The following DTWD2 variants were observed in gnomAD, a reference collection of about 807,000 sequenced individuals.
DTWD2 encodes the protein tRNA-uridine aminocarboxypropyltransferase 2.
A neutral mutation model predicts 31.8 loss-of-function variants in DTWD2; 39 were observed. That is an observed-to-expected ratio of 1.22 (90% CI 0.95 to 1.60). DTWD2 has a LOEUF of 1.60. Ranked by LOEUF, DTWD2 falls within the 40% of genes most tolerant of loss-of-function variation. DTWD2 has a pLI of 0.00. For synonymous variants in DTWD2, 180 were observed against 142.8 expected (o/e 1.26, Z -1.86); for missense variants, 515 against 381.5 (o/e 1.35, Z -2.92).
chr5:118,886,457 G>A (rs904804377), intron 4 of DTWD2, among the ~76,000 whole-genome samples: 3 of 152,158 alleles, frequency 2.0e-5, no homozygotes, highest in Non-Finnish European at 4.4e-5. Context: ...AGCATAACAA[G>A]GAAATCAAGT....
chr5:118,879,194 T>G (rs553419363), intron 4 of DTWD2, among the ~76,000 whole-genome samples: 16 of 152,192 alleles, frequency 1.1e-4, no homozygotes, highest in Non-Finnish European at 1.9e-4. Context: ...ACGTGTATCT[T>G]CACTGCAGCA....
At chr5:118,962,965 T>C (rs540205733) in intron 1 of DTWD2, among the ~76,000 whole-genome samples, 5 of 152,346 alleles carry the variant, frequency 3.3e-5, no homozygotes, top group Non-Finnish European at 7.3e-5. Context: ...CACATAGTTC[T>C]ATCCAGCTGT....
At chr5:118,977,939 C>T (rs1349385586) in intron 1 of DTWD2, among the ~76,000 whole-genome samples, 1 of 152,164 alleles carries the variant, frequency 6.6e-6, no homozygotes, top group African/African-American at 2.4e-5. Flanking sequence ...ATTACACTAC[C>T]TGACTTCAAA....
intron 2 of DTWD2, among the ~76,000 whole-genome samples, chr5:118,940,147 A>T (rs1754147138): frequency 6.6e-6 from 1 of 152,198 alleles, no homozygotes; most frequent in African/African-American, 2.4e-5. Flanking sequence ...TGAAAAAGCC[A>T]TTAAGTTGAC....
At chr5:118,983,254 G>A (rs934450219) in intron 1 of DTWD2, among the ~76,000 whole-genome samples, 4 of 152,066 alleles carry the variant, frequency 2.6e-5, no homozygotes, top group African/African-American at 9.7e-5. Context: ...CCCAATATAC[G>A]GGCACAGCCA....
intron 1 of DTWD2, among the ~76,000 whole-genome samples, chr5:118,981,708 A>G (rs553275422): frequency 1.3e-5 from 2 of 152,248 alleles, no homozygotes; most frequent in East Asian, 3.9e-4. Context: ...TCTAACATAA[A>G]AGTGAAAAGC....
chr5:118,985,297 C>T (rs973619141), intron 1 of DTWD2, among the ~76,000 whole-genome samples: 8 of 151,950 alleles, frequency 5.3e-5, no homozygotes, highest in South Asian at 2.1e-4. Flanking sequence ...TTAAATATTT[C>T]GTTATGTCCT....
intron 4 of DTWD2, among the ~76,000 whole-genome samples, chr5:118,871,366 G>A (rs1236423821): frequency 2.0e-5 from 3 of 152,146 alleles, no homozygotes; most frequent in Admixed American, 6.5e-5. Flanking sequence ...ATGACATCGA[G>A]AATGGTGAAT....
intron 4 of DTWD2, among the ~76,000 whole-genome samples, chr5:118,893,703 C>A (rs553540145): frequency 1.7e-4 from 26 of 151,772 alleles, no homozygotes; most frequent in African/African-American, 6.3e-4. Context: ...AAAGAGGAGA[C>A]TGAAAAAGGA....
chr5:118,939,317 T>C (rs373581902), intron 2 of DTWD2, 27 bp from the exon 3 acceptor site: 5 of 1,541,230 alleles, frequency 3.2e-6, no homozygotes, highest in Non-Finnish European at 3.5e-6. Flanking sequence ...AATTGAAACA[T>C]AGATTTTTAC....
At chr5:118,893,948 A>G (rs1004950374) in intron 4 of DTWD2, among the ~76,000 whole-genome samples, 1 of 152,064 alleles carries the variant, frequency 6.6e-6, no homozygotes, top group African/African-American at 2.4e-5. Context: ...ACCGTTGGTT[A>G]ACAAACTGAT....
chr5:118,902,551 T>G (rs1410679631), intron 4 of DTWD2, among the ~76,000 whole-genome samples: 1 of 152,134 alleles, frequency 6.6e-6, no homozygotes, highest in Non-Finnish European at 1.5e-5. Context: ...CATAATTATC[T>G]CAATGGGTTT....
chr5:118,916,343 T>C (rs1185310022), intron 4 of DTWD2, among the ~76,000 whole-genome samples: 3 of 152,190 alleles, frequency 2.0e-5, no homozygotes, highest in African/African-American at 7.2e-5. Context: ...GATCCCATAC[T>C]CTGATTTATA....
intron 4 of DTWD2, among the ~76,000 whole-genome samples, chr5:118,888,051 T>C (rs189355291): frequency 2.4e-5 from 3 of 123,298 alleles, no homozygotes; most frequent in Admixed American, 8.9e-5. Flanking sequence ...TCTTTAGCTA[T>C]GACACACTTT....
intron 1 of DTWD2, among the ~76,000 whole-genome samples, chr5:118,968,695 A>G (rs213434): frequency 0.75 from 113,755 of 152,206 alleles, 43,078 homozygotes; most frequent in East Asian, 0.99. Context: ...CGGAGTCTCA[A>G]CAGAGTGGCT....
chr5:118,868,145 A>C (rs1436415588), intron 4 of DTWD2, among the ~76,000 whole-genome samples: 1 of 152,190 alleles, frequency 6.6e-6, no homozygotes, highest in Non-Finnish European at 1.5e-5. Context: ...TACAGGTTAC[A>C]AGACCATTCA....
intron 5 of DTWD2, among the ~76,000 whole-genome samples, chr5:118,844,965 C>T (rs73236926): frequency 0.042 from 6,323 of 151,974 alleles, 443 homozygotes; most frequent in African/African-American, 0.14. Flanking sequence ...GAGACTCCCC[C>T]CGCCTCTCCC....
At chr5:118,862,524 T>TA (rs1056059169) in intron 4 of DTWD2, among the ~76,000 whole-genome samples, 7 of 151,166 alleles carry the variant, frequency 4.6e-5, no homozygotes, top group South Asian at 2.1e-4. Flanking sequence ...GATTTAAAAC[T>TA]AAAAAAAAAG....
At chr5:118,982,569 T>C (rs1325544069) in intron 1 of DTWD2, among the ~76,000 whole-genome samples, 1 of 152,094 alleles carries the variant, frequency 6.6e-6, no homozygotes, top group East Asian at 1.9e-4. Context: ...ATAATAATTT[T>C]CTCTTGAGAA....
Sources: allele counts gnomAD v4.1 joint callset (sites outside exome capture counted in the v4.1 genomes callset), GRCh38; gene constraint gnomAD v4.1.1; transcripts MANE v1.5; gene names NCBI Gene and HGNC (gene_info 2026-07-23, HGNC 2026-07-21).